The following ZMIZ1 variants were observed in gnomAD, a reference collection of about 807,000 sequenced individuals.
ZMIZ1 encodes the protein zinc finger MIZ domain-containing protein 1.
ZMIZ1 carries 17 observed loss-of-function variants against 113.9 expected under a neutral mutation model. The observed-to-expected ratio is 0.15, with a 90% CI of 0.10 to 0.22. The LOEUF is 0.22. Ranked by LOEUF, ZMIZ1 falls within the 10% of genes least tolerant of loss-of-function variation. The pLI is 1.00. For missense variants in ZMIZ1, 1,059 were observed against 1,477.8 expected (o/e 0.72, Z 4.65); for synonymous variants, 607 against 603.1 (o/e 1.01, Z -0.09).
chr10:79,138,575 G>T (rs1375058905), intron 2 of ZMIZ1, among the ~76,000 whole-genome samples: 7 of 152,156 alleles, frequency 4.6e-5, no homozygotes, highest in African/African-American at 1.7e-4. Context: ...AGTACTAAAG[G>T]CTGCAGCACA....
chr10:79,089,099 C>A (rs531622499), intron 1 of ZMIZ1, among the ~76,000 whole-genome samples: 1 of 152,220 alleles, frequency 6.6e-6, no homozygotes, highest in East Asian at 1.9e-4. Flanking sequence ...TCTGCCCCTG[C>A]CCCTCCGACA....
intron 7 of ZMIZ1, among the ~76,000 whole-genome samples, chr10:79,241,312 CG>C (rs1453275782): frequency 6.6e-6 from 1 of 152,092 alleles, no homozygotes; most frequent in Non-Finnish European, 1.5e-5. Flanking sequence ...GGGAGATGGG[CG>C]AGTCTTCACT....
intron 4 of ZMIZ1, among the ~76,000 whole-genome samples, chr10:79,171,316 G>C (rs1165969641): frequency 6.6e-6 from 1 of 152,248 alleles, no homozygotes; most frequent in Non-Finnish European, 1.5e-5. Context: ...GATGAGGCCA[G>C]GGCCTAGAAC....
intron 1 of ZMIZ1, among the ~76,000 whole-genome samples, chr10:79,090,958 C>T (rs369699429): frequency 2.6e-5 from 4 of 152,350 alleles, no homozygotes; most frequent in East Asian, 3.9e-4. Flanking sequence ...GTCCTCTGCC[C>T]GTCTGTGCCA....
At chr10:79,237,789 C>T (rs979469485) in intron 7 of ZMIZ1, among the ~76,000 whole-genome samples, 3 of 152,194 alleles carry the variant, frequency 2.0e-5, no homozygotes, top group African/African-American at 7.2e-5. Flanking sequence ...ACAGTTCACT[C>T]CCTAACACCA....
intron 2 of ZMIZ1, among the ~76,000 whole-genome samples, chr10:79,138,315 A>G (rs549551102): frequency 6.6e-6 from 1 of 152,334 alleles, no homozygotes; most frequent in East Asian, 1.9e-4. Context: ...AGATCTACCT[A>G]GAAAGGGGAT....
At chr10:79,105,994 T>C (rs1001718792) in intron 1 of ZMIZ1, among the ~76,000 whole-genome samples, 4 of 152,118 alleles carry the variant, frequency 2.6e-5, no homozygotes, top group African/African-American at 9.7e-5. Flanking sequence ...TGTCTTCCAA[T>C]TGCACAATAC....
intron 4 of ZMIZ1, among the ~76,000 whole-genome samples, chr10:79,186,448 G>A (rs1847356193): frequency 6.6e-6 from 1 of 152,186 alleles, no homozygotes; most frequent in Admixed American, 6.5e-5. Context: ...GGCTTGGTGG[G>A]GCCTCCAGTG....
At chr10:79,141,786 T>C (rs904882036) in intron 3 of ZMIZ1, among the ~76,000 whole-genome samples, 4 of 152,256 alleles carry the variant, frequency 2.6e-5, no homozygotes, top group Admixed American at 6.5e-5. Context: ...ACTTGACCTG[T>C]TCAAAGAAAT....
chr10:79,116,910 C>G (rs147835364), intron 1 of ZMIZ1, among the ~76,000 whole-genome samples: 1 of 152,250 alleles, frequency 6.6e-6, no homozygotes, highest in Non-Finnish European at 1.5e-5. Flanking sequence ...CACCTGAAAA[C>G]TTGGTGGCTT....
At chr10:79,092,981 G>C (rs1843030423) in intron 1 of ZMIZ1, among the ~76,000 whole-genome samples, 2 of 151,948 alleles carry the variant, frequency 1.3e-5, no homozygotes. Flanking sequence ...AGCAGTTGAG[G>C]GGCTGAGCTA....
intron 7 of ZMIZ1, among the ~76,000 whole-genome samples, chr10:79,242,575 A>T (rs1303416694): frequency 3.7e-5 from 3 of 81,074 alleles, no homozygotes; most frequent in Non-Finnish European, 7.3e-5. Context: ...CCCCCGGCCG[A>T]GGCCCCCTCC....
intron 1 of ZMIZ1, among the ~76,000 whole-genome samples, chr10:79,089,982 A>G (rs909264672): frequency 7.2e-5 from 11 of 152,210 alleles, no homozygotes; most frequent in South Asian, 4.1e-4. Flanking sequence ...TTTGTAAATC[A>G]TTATGCAGGA....
rs1215904815 is a variant in ZMIZ1, at chr10:79,291,103, C to T, written c.685C>T (p.Pro229Ser). The change falls in exon 10 of 25, where the codon CCC (proline) becomes TCC (serine). Residue 229 changes from proline (P) to serine (S), a missense_variant. Physicochemically the swap from Pro to Ser is moderately conservative, Grantham distance 74. Around this residue, in one of 6 missense-constraint regions of ZMIZ1, gnomAD observed 272 missense variants for 350.4 expected, o/e 0.78. Transcript: ENST00000334512. ...GCAGCAGTTCTCAGCCAAGGCTGGC[C>T]CCGCTCAGCCCTACATCCAGCAGAG... is the stretch of plus-strand genomic sequence containing the variant. ...QQQQFSAKAG[P>S]AQPYIQQSMY... The T allele has an allele frequency of 6.2e-7, 1 of 1,614,092 alleles. No homozygotes were observed. Among genetic ancestry groups the T allele is most frequent in the African/African-American group, 1.3e-5 (1 of 74,958 alleles).
rs113581122 is a variant in ZMIZ1, at chr10:79,288,997, A to C, written c.426-778A>C. On this transcript the variant is annotated intron_variant, in intron 8 of 24. Transcript: ENST00000334512. ...TTAGGGGCAGGGGCAGCTCCACGAG[A>C]GGACAGAGCCAAAGCGGGGTGAGGG... 2.4e-3 allele frequency among the ~76,000 whole-genome samples: 363 copies of C among 152,248 alleles called. 1 individual carries two copies. The highest frequency in any genetic ancestry group is 4.0e-3 in the Non-Finnish European group (275 of 68,010).
At chr10:79,098,975 G>T (rs1843263406) in intron 1 of ZMIZ1, among the ~76,000 whole-genome samples, 1 of 152,218 alleles carries the variant, frequency 6.6e-6, no homozygotes, top group South Asian at 2.1e-4. Flanking sequence ...GCTGGAAGTG[G>T]CTTTGAGTAG....
Position 79,293,450 on chromosome 10 carries a change from G to A in ZMIZ1, c.1027G>A (p.Gly343Arg). The change falls in exon 12 of 25, where the codon GGG (glycine) becomes AGG (arginine). Residue 343 changes from glycine (G) to arginine (R), a missense_variant. Gly to Arg is a moderately radical substitution (Grantham distance 125, BLOSUM62 -2). Around this residue, in one of 6 missense-constraint regions of ZMIZ1, gnomAD observed 83 missense variants for 103.7 expected, o/e 0.80. Coordinates refer to ENST00000334512, the MANE Select transcript of ZMIZ1 (RefSeq NM_020338.4). ...QPGPRGPASM[G>R]GSMNPASMAA... ...CGGGCCGCGGGGGCCTGCCTCCATGGGGGGCAGCATGAACCCCGCGAGCAT... is the reference window on the plus strand; with the variant it reads ...CGGGCCGCGGGGGCCTGCCTCCATGAGGGGCAGCATGAACCCCGCGAGCAT... 1 of 1,541,904 alleles carries A rather than the reference G, an allele frequency of 6.5e-7. No homozygotes were observed. Among genetic ancestry groups the A allele is most frequent in the Non-Finnish European group, 8.7e-7 (1 of 1,143,894 alleles).
At chr10:79,103,297 G>A (rs1332207687) in intron 1 of ZMIZ1, among the ~76,000 whole-genome samples, 2 of 152,160 alleles carry the variant, frequency 1.3e-5, no homozygotes, top group Non-Finnish European at 2.9e-5. Flanking sequence ...GGGATGCCTG[G>A]GGTGGGGGGC....
intron 4 of ZMIZ1, among the ~76,000 whole-genome samples, chr10:79,176,164 C>T (rs904303792): frequency 5.3e-5 from 8 of 151,998 alleles, no homozygotes; most frequent in Admixed American, 1.3e-4. Context: ...GCCAGGATGA[C>T]ATTCCAGGGC....
Sources: gnomAD v4.1 joint callset for allele counts (sites outside exome capture counted in the v4.1 genomes callset) on GRCh38, gnomAD v4.1.1 for gene constraint, gnomAD v4.1.1 regional missense constraint, MANE v1.5 for transcripts, NCBI Gene and HGNC (gene_info 2026-07-23, HGNC 2026-07-21) for gene names.